NFIB: variants seen among roughly 807,000 people sequenced by gnomAD.
NFIB encodes nuclear factor I B.
A neutral mutation model predicts 61.5 loss-of-function variants in NFIB; 11 were observed. That is an observed-to-expected ratio of 0.18 (90% CI 0.11 to 0.30). The LOEUF (loss-of-function observed/expected upper bound fraction) is 0.30. Among genes scored for constraint, NFIB ranks in the 10% least tolerant of loss-of-function variants. NFIB has a pLI of 1.00. For synonymous variants in NFIB, 260 were observed against 216.5 expected (o/e 1.20, Z -1.76); for missense variants, 471 against 608.9 (o/e 0.77, Z 2.38).
chr9:14,422,687 A>T, the NFIB span, among the ~76,000 whole-genome samples: 1 of 152,212 alleles, frequency 6.6e-6, no homozygotes, highest in Non-Finnish European at 1.5e-5. Context: ...ATGGGTCCAC[A>T]TCTTGGACTA....
intron 2 of NFIB, among the ~76,000 whole-genome samples, chr9:14,215,812 T>C (rs1191918754): frequency 1.3e-5 from 2 of 152,238 alleles, no homozygotes; most frequent in African/African-American, 4.8e-5. Context: ...TTTTCAACTA[T>C]CTTGCCCACT....
intron 2 of NFIB, among the ~76,000 whole-genome samples, chr9:14,268,694 T>C (rs1428219477): frequency 6.6e-6 from 1 of 152,236 alleles, no homozygotes; most frequent in Admixed American, 6.5e-5. Context: ...ATCTGTTTCA[T>C]ATGAATTAGG....
intron 1 of NFIB, among the ~76,000 whole-genome samples, chr9:14,344,293 C>T (rs916579378): frequency 6.6e-6 from 1 of 151,272 alleles, no homozygotes; most frequent in African/African-American, 2.4e-5. Flanking sequence ...GATGGGGGTG[C>T]GAGAGTGGGG....
At chr9:14,165,473 G>C (rs2044681746) in intron 3 of NFIB, among the ~76,000 whole-genome samples, 1 of 152,186 alleles carries the variant, frequency 6.6e-6, no homozygotes, top group South Asian at 2.1e-4. Flanking sequence ...TTCCATGAAT[G>C]AGTGCAGCTC....
At chr9:14,127,995 A>T (rs1450797951) in intron 6 of NFIB, among the ~76,000 whole-genome samples, 3 of 151,880 alleles carry the variant, frequency 2.0e-5, no homozygotes, top group African/African-American at 7.2e-5. Context: ...ATGCCACTAT[A>T]AAAAAAGAAA....
intron 10 of NFIB, among the ~76,000 whole-genome samples, chr9:14,101,899 C>A (rs182238716): frequency 6.6e-6 from 1 of 152,260 alleles, no homozygotes; most frequent in East Asian, 1.9e-4. Flanking sequence ...AACAATCTTC[C>A]TACTCCAAAA....
chr9:14,494,356 T>C, the NFIB span, among the ~76,000 whole-genome samples: 1 of 152,222 alleles, frequency 6.6e-6, no homozygotes, highest in Non-Finnish European at 1.5e-5. Flanking sequence ...GTCAGACTTC[T>C]TAATTTCCCC....
chr9:14,287,203 G>A (rs553688912), intron 2 of NFIB, among the ~76,000 whole-genome samples: 192 of 151,032 alleles, frequency 1.3e-3, no homozygotes, highest in African/African-American at 4.5e-3. Context: ...AGGCCGAGGC[G>A]GGCGGATCAC....
At chr9:14,259,787 C>T (rs1285001779) in intron 2 of NFIB, among the ~76,000 whole-genome samples, 1 of 152,152 alleles carries the variant, frequency 6.6e-6, no homozygotes, top group East Asian at 1.9e-4. Context: ...CACTTGTAAT[C>T]CCAGCCACTC....
chr9:14,418,768 G>A, the NFIB span, among the ~76,000 whole-genome samples: 1 of 152,152 alleles, frequency 6.6e-6, no homozygotes, highest in African/African-American at 2.4e-5. Context: ...GCTTTATTAA[G>A]TTTTGTCATA....
intron 1 of NFIB, among the ~76,000 whole-genome samples, chr9:14,371,964 T>C (rs2061362899): frequency 1.3e-5 from 2 of 152,162 alleles, no homozygotes; most frequent in Non-Finnish European, 2.9e-5. Flanking sequence ...TCTGCTCCAA[T>C]TGGTCATGGG....
At position 14,088,212 on chromosome 9, in the gene NFIB, T is replaced by C. The variant is rs771135362; in HGVS notation, c.*97A>G. The stretch of plus-strand genomic sequence containing the variant: ...TCTTTTTCCCTCAGTTGCTTGTTTC[T>C]GCTTGAAGGAAAGGTTCTCCAATTA... On this transcript the variant is annotated 3_prime_UTR_variant, in exon 11 of 11. Transcript: ENST00000380953. 6.5e-6 allele frequency: 10 copies of C among 1,544,208 alleles called. No homozygotes were observed. Among genetic ancestry groups the C allele is most frequent in the Non-Finnish European group, 7.9e-6 (9 of 1,141,372 alleles).
chr9:14,481,882 G>C, the NFIB span, among the ~76,000 whole-genome samples: 1 of 152,026 alleles, frequency 6.6e-6, no homozygotes, highest in African/African-American at 2.4e-5. Context: ...TCTTTCCCCA[G>C]TTCTGACACA....
chr9:14,210,776 A>T (rs2050225532), intron 2 of NFIB, among the ~76,000 whole-genome samples: 1 of 150,152 alleles, frequency 6.7e-6, no homozygotes. Context: ...GGAAAAAAAC[A>T]GAAAGAAAAT....
At chr9:14,114,132 C>T (rs1195558507) in intron 9 of NFIB, among the ~76,000 whole-genome samples, 1 of 152,140 alleles carries the variant, frequency 6.6e-6, no homozygotes, top group Non-Finnish European at 1.5e-5. Flanking sequence ...ATTAATTCTG[C>T]CTTGTTCACT....
intron 1 of NFIB, among the ~76,000 whole-genome samples, chr9:14,396,190 C>T (rs1424443062): frequency 6.6e-6 from 1 of 150,996 alleles, no homozygotes; most frequent in East Asian, 1.9e-4. Context: ...ATTTTTCTCC[C>T]TTTTTTTTTC....
rs930080672 is a variant in NFIB at position 14,123,447 on chromosome 9, A to T, written c.1060+2185T>A. Among the ~76,000 whole-genome samples, 19 of 152,278 alleles carry T rather than the reference A, an allele frequency of 1.2e-4. No individual in the cohort carries two copies. The South Asian group carries it at 2.1e-3, about 17-fold the overall frequency. ...TATAGTGCTATGTGAATTACTTTTT[A>T]AAAACACCATTATAATCATGTAACT... On this transcript the variant is annotated intron_variant, in intron 7 of 10. Transcript: ENST00000380953.
At chr9:14,438,699 G>C in the NFIB span, among the ~76,000 whole-genome samples, 2 of 152,098 alleles carry the variant, frequency 1.3e-5, no homozygotes, top group Non-Finnish European at 2.9e-5. Flanking sequence ...TGGAATACAC[G>C]GGCTTAACCT....
intron 1 of NFIB, among the ~76,000 whole-genome samples, chr9:14,396,049 G>A (rs1478041569): frequency 6.6e-6 from 1 of 152,014 alleles, no homozygotes. Flanking sequence ...TTCATTATGT[G>A]AATGAACCCA....
Sources: allele counts gnomAD v4.1 joint callset (sites outside exome capture counted in the v4.1 genomes callset), GRCh38; gene constraint gnomAD v4.1.1; transcripts MANE v1.5; gene names NCBI Gene and HGNC (gene_info 2026-07-23, HGNC 2026-07-21).